TENM2: variants seen among roughly 807,000 people sequenced by gnomAD.
TENM2 encodes the protein teneurin transmembrane protein 2.
Under a neutral mutation model 245.2 loss-of-function variants are expected in TENM2, and 52 were observed. The observed-to-expected ratio is 0.21, with a 90% CI of 0.17 to 0.27. The LOEUF (loss-of-function observed/expected upper bound fraction) is 0.27. Ranked by LOEUF, TENM2 falls within the 10% of genes least tolerant of loss-of-function variation. The probability of loss-of-function intolerance (pLI) is 1.00; values close to 1 mark genes in which losing one functional copy is unlikely to be tolerated. For missense variants in TENM2, 3,046 were observed against 3,666.8 expected (o/e 0.83, Z 4.37); for synonymous variants, 1,363 against 1,438.9 (o/e 0.95, Z 1.19).
chr5:167,572,666 C>T (rs1376032194), intron 2 of TENM2, among the ~76,000 whole-genome samples: 1 of 152,142 alleles, frequency 6.6e-6, no homozygotes, highest in Non-Finnish European at 1.5e-5. Context: ...GTAATCCTAG[C>T]CCCCATGTGG....
chr5:167,230,497 G>A, the TENM2 span, among the ~76,000 whole-genome samples: 1 of 152,090 alleles, frequency 6.6e-6, no homozygotes, highest in Non-Finnish European at 1.5e-5. Flanking sequence ...TGGAGGAGGT[G>A]AGTAAGAGAT....
intron 9 of TENM2, among the ~76,000 whole-genome samples, chr5:168,114,010 A>G (rs2152322511): frequency 6.6e-6 from 1 of 152,354 alleles, no homozygotes; most frequent in Middle Eastern, 3.4e-3. Context: ...GTATGATTTG[A>G]CATACGTCTG....
rs201411837 is a variant in TENM2 at position 167,654,119 on chromosome 5, C to CT, written c.503-221856dup. 8.9e-3 allele frequency among the ~76,000 whole-genome samples: 1,312 copies of CT among 148,026 alleles called. 9 individuals are homozygous for CT. Among genetic ancestry groups the CT allele is most frequent in the African/African-American group, 0.019 (768 of 40,592 alleles). On this transcript the variant is annotated intron_variant, in intron 2 of 28. Transcript: ENST00000518659. ...TTTCAAATAGTAGTACTTTTACTAACTTTTTTTTTTTACTACCTTTATGGG... is the reference window on the plus strand; with the variant it reads ...TTTCAAATAGTAGTACTTTTACTAACTTTTTTTTTTTTACTACCTTTATGGG...
At chr5:167,949,005 A>G (rs1240404165) in intron 3 of TENM2, 1 of 152,176 alleles carries the variant, frequency 6.6e-6, no homozygotes, top group African/African-American at 2.4e-5. Flanking sequence ...GTGTTGGATG[A>G]CTGTAGTGAA....
intron 2 of TENM2, among the ~76,000 whole-genome samples, chr5:167,406,434 G>A (rs542786867): frequency 9.9e-4 from 150 of 152,276 alleles, no homozygotes; most frequent in African/African-American, 3.5e-3. Context: ...CTGAAGTAGA[G>A]TAGATTGAGT....
At chr5:168,200,591 G>C (rs1761853630) in intron 17 of TENM2, among the ~76,000 whole-genome samples, 1 of 152,182 alleles carries the variant, frequency 6.6e-6, no homozygotes, top group South Asian at 2.1e-4. Flanking sequence ...CAAGATGTTG[G>C]GAGAGAGGTG....
At chr5:168,010,043 T>G (rs1176317953) in intron 5 of TENM2, among the ~76,000 whole-genome samples, 1 of 152,258 alleles carries the variant, frequency 6.6e-6, no homozygotes, top group African/African-American at 2.4e-5. Flanking sequence ...AGCTCCCTCC[T>G]GCTTCCCTGC....
At chr5:167,787,294 T>G (rs934926329) in intron 2 of TENM2, among the ~76,000 whole-genome samples, 4 of 152,240 alleles carry the variant, frequency 2.6e-5, no homozygotes, top group African/African-American at 9.6e-5. Flanking sequence ...ACTTACATTC[T>G]TTTTGTGAAA....
intron 2 of TENM2, among the ~76,000 whole-genome samples, chr5:167,403,645 G>A (rs1762479921): frequency 6.6e-6 from 1 of 152,166 alleles, no homozygotes; most frequent in Admixed American, 6.6e-5. Flanking sequence ...TGATTTCTCA[G>A]AGGAGTAAAA....
intron 2 of TENM2, among the ~76,000 whole-genome samples, chr5:167,609,569 G>C (rs1021762217): frequency 1.3e-5 from 2 of 148,544 alleles, no homozygotes; most frequent in Non-Finnish European, 3.0e-5. Context: ...AGAGTACTGG[G>C]TTTGGAACTT....
At chr5:167,345,941 A>T (rs920265407) in intron 1 of TENM2, among the ~76,000 whole-genome samples, 3 of 151,570 alleles carry the variant, frequency 2.0e-5, no homozygotes, top group Non-Finnish European at 4.4e-5. Context: ...ACATAACATG[A>T]GTTTTACCAA....
Position 167,791,900 on chromosome 5 carries a change from A to G in TENM2, c.503-84086A>G, listed in dbSNP as rs376473685. Among the ~76,000 whole-genome samples, 14 of 151,990 alleles carry G rather than the reference A, an allele frequency of 9.2e-5. No homozygotes were observed. The East Asian group carries it at 1.2e-3, about 13-fold the overall frequency. ...AGTTGACTCTTCAGATGGAACATAC[A>G]TTTTCCAGGGAGCCATCATCCCCAC... On this transcript the variant is annotated intron_variant, in intron 2 of 28. Coordinates refer to ENST00000518659, the Ensembl canonical transcript of TENM2.
intron 3 of TENM2, among the ~76,000 whole-genome samples, chr5:167,916,091 C>T (rs1036571786): frequency 6.6e-6 from 1 of 152,166 alleles, no homozygotes; most frequent in Non-Finnish European, 1.5e-5. Context: ...TGCCAGGTGC[C>T]GGGTACTGTG....
At chr5:167,916,525 G>A (rs1411645312) in intron 3 of TENM2, among the ~76,000 whole-genome samples, 1 of 152,060 alleles carries the variant, frequency 6.6e-6, no homozygotes, top group Non-Finnish European at 1.5e-5. Context: ...CCAATTTCCT[G>A]CTGAACTGTG....
chr5:167,802,314 G>A, intron 2 of TENM2, among the ~76,000 whole-genome samples: 1 of 152,034 alleles, frequency 6.6e-6, no homozygotes, highest in East Asian at 1.9e-4. Context: ...GTGGAGTGTG[G>A]ATAAAAACTA....
At chr5:167,729,782 A>T (rs1273478303) in intron 2 of TENM2, among the ~76,000 whole-genome samples, 2 of 152,198 alleles carry the variant, frequency 1.3e-5, no homozygotes, top group African/African-American at 4.8e-5. Flanking sequence ...TGAACTTGGC[A>T]GTTTATAGAA....
intron 3 of TENM2, among the ~76,000 whole-genome samples, chr5:167,929,419 T>C (rs1778112619): frequency 6.6e-6 from 1 of 152,236 alleles, no homozygotes; most frequent in African/African-American, 2.4e-5. Context: ...TATGAGTTTC[T>C]ATTATGTTAC....
At position 168,098,008 on chromosome 5, in the gene TENM2, C is replaced by T; in HGVS notation, c.1712-18C>T. 3 of 1,585,722 alleles carry T rather than the reference C, an allele frequency of 1.9e-6. No individual in the cohort carries two copies. Among genetic ancestry groups the T allele is most frequent in the East Asian group, 2.2e-5 (1 of 44,626 alleles). On this transcript the variant is annotated intron_variant, in intron 8 of 28. Transcript: ENST00000518659. ...TAGACAGAGGAAAAGGTAAACACTA[C>T]ATTTATCTCTTTTTCAGATTCAGTG...
At chr5:168,100,924 TAAAAAAA>T (rs11307488) in intron 9 of TENM2, among the ~76,000 whole-genome samples, 1 of 138,484 alleles carries the variant, frequency 7.2e-6, no homozygotes, top group Non-Finnish European at 1.6e-5. Flanking sequence ...CAAGTATAAT[TAAAAAAA>T]AAAAAAAAAA....
Sources: gnomAD v4.1 joint callset for allele counts (sites outside exome capture counted in the v4.1 genomes callset) on GRCh38, gnomAD v4.1.1 for gene constraint, MANE v1.5 for transcripts, NCBI Gene and HGNC (gene_info 2026-07-23, HGNC 2026-07-21) for gene names.